The following CSMD1 variants were observed in gnomAD, a reference collection of about 807,000 sequenced individuals.
CSMD1 encodes the protein CUB and Sushi multiple domains 1, also known as CUB and sushi domain-containing protein 1.
In CSMD1, 213 loss-of-function variants were observed where a neutral mutation model predicts 417.5. The ratio of observed to expected loss-of-function variants is 0.51; its 90% CI spans 0.46 to 0.57. CSMD1 has a LOEUF of 0.57. CSMD1 is among the 20% of genes least tolerant of loss of function. CSMD1 has a pLI of 0.00. For missense variants in CSMD1, 6,923 were observed against 4,529.7 expected (o/e 1.53, Z -15.17); for synonymous variants, 2,862 against 1,736.8 (o/e 1.65, Z -16.11).
intron 7 of CSMD1, among the ~76,000 whole-genome samples, chr8:3,644,440 G>C (rs531769426): frequency 1.3e-5 from 2 of 152,238 alleles, no homozygotes; most frequent in South Asian, 4.1e-4. Context: ...AAATAGGCAC[G>C]GTAGAAAGAA....
At chr8:3,990,544 A>C (rs1208549018) in intron 5 of CSMD1, among the ~76,000 whole-genome samples, 3 of 152,202 alleles carry the variant, frequency 2.0e-5, no homozygotes, top group African/African-American at 7.2e-5. Context: ...ATCCATAGCT[A>C]CCACCATTCA....
chr8:3,496,209 C>G (rs929763530), intron 10 of CSMD1, among the ~76,000 whole-genome samples: 2 of 152,220 alleles, frequency 1.3e-5, no homozygotes, highest in African/African-American at 2.4e-5. Context: ...TAATGTTCCT[C>G]CCTCAGCTAT....
intron 7 of CSMD1, among the ~76,000 whole-genome samples, chr8:3,685,840 A>G (rs1483904084): frequency 2.0e-5 from 3 of 152,162 alleles, no homozygotes; most frequent in Non-Finnish European, 4.4e-5. Flanking sequence ...CATGCGACGT[A>G]AAATAATCAC....
intron 2 of CSMD1, among the ~76,000 whole-genome samples, chr8:4,631,562 G>T (rs966671838): frequency 1.3e-5 from 2 of 152,046 alleles, no homozygotes; most frequent in African/African-American, 4.8e-5. Flanking sequence ...ATGTCTATAA[G>T]TTCTAAATAT....
intron 1 of CSMD1, among the ~76,000 whole-genome samples, chr8:4,876,155 T>A (rs1803028465): frequency 6.6e-6 from 1 of 152,102 alleles, no homozygotes; most frequent in East Asian, 1.9e-4. Flanking sequence ...AATGACTGCT[T>A]AGTCTATTTC....
chr8:3,653,158 A>C (rs1271321652), intron 7 of CSMD1, among the ~76,000 whole-genome samples: 3 of 151,886 alleles, frequency 2.0e-5, no homozygotes, highest in African/African-American at 7.2e-5. Flanking sequence ...TTCAAGTTGC[A>C]TATATTTTTA....
chr8:3,523,952 C>G (rs998926841), intron 10 of CSMD1, among the ~76,000 whole-genome samples: 6 of 151,528 alleles, frequency 4.0e-5, no homozygotes, highest in Non-Finnish European at 7.4e-5. Context: ...CACGTGCATA[C>G]ACATGCACAC....
At chr8:4,033,494 G>A (rs951250684) in intron 3 of CSMD1, among the ~76,000 whole-genome samples, 1 of 152,116 alleles carries the variant, frequency 6.6e-6, no homozygotes, top group South Asian at 2.1e-4. Context: ...CTATGACCTG[G>A]AAGCTCCCAC....
chr8:3,991,004 A>C (rs917408569), intron 5 of CSMD1, among the ~76,000 whole-genome samples: 5 of 152,178 alleles, frequency 3.3e-5, no homozygotes, highest in Admixed American at 2.0e-4. Flanking sequence ...CACACCTGAC[A>C]AAAACCTCTA....
intron 7 of CSMD1, among the ~76,000 whole-genome samples, chr8:3,683,241 T>A (rs1172724087): frequency 1.3e-4 from 20 of 151,434 alleles, no homozygotes; most frequent in Admixed American, 1.3e-3. Flanking sequence ...TAATAAAAAA[T>A]AAATAAAAAA....
intron 5 of CSMD1, among the ~76,000 whole-genome samples, chr8:3,851,289 G>A (rs1470546523): frequency 1.3e-5 from 2 of 152,164 alleles, no homozygotes; most frequent in African/African-American, 4.8e-5. Context: ...TTAGGGACTG[G>A]TCTTTTCATA....
chr8:3,879,394 T>C (rs1806054693), intron 5 of CSMD1, among the ~76,000 whole-genome samples: 1 of 152,150 alleles, frequency 6.6e-6, no homozygotes, highest in South Asian at 2.1e-4. Flanking sequence ...TCATACACTG[T>C]AGCACAAGCC....
chr8:3,244,842 C>T (rs1369930090), intron 26 of CSMD1, among the ~76,000 whole-genome samples: 4 of 152,242 alleles, frequency 2.6e-5, no homozygotes, highest in African/African-American at 9.6e-5. Flanking sequence ...AGCAGGGACA[C>T]TGCTTGGCAG....
chr8:2,977,937 G>A (rs376305519), intron 55 of CSMD1, among the ~76,000 whole-genome samples: 7 of 152,186 alleles, frequency 4.6e-5, no homozygotes, highest in South Asian at 4.1e-4. Context: ...AGATGCTGGC[G>A]AGGCTGTGGA....
intron 3 of CSMD1, among the ~76,000 whole-genome samples, chr8:4,053,299 T>C (rs774338632): frequency 1.4e-4 from 21 of 152,326 alleles, no homozygotes; most frequent in Non-Finnish European, 1.2e-4. Context: ...GTGCTTAGCA[T>C]TGCGAATGCA....
chr8:3,771,524 A>G (rs1464194069), intron 5 of CSMD1, among the ~76,000 whole-genome samples: 4 of 152,114 alleles, frequency 2.6e-5, no homozygotes, highest in Non-Finnish European at 5.9e-5. Context: ...GCTTCTGCTC[A>G]TTTGGGTGAC....
intron 1 of CSMD1, among the ~76,000 whole-genome samples, chr8:4,718,714 T>A (rs765374867): frequency 1.3e-5 from 2 of 152,028 alleles, no homozygotes; most frequent in East Asian, 3.9e-4. Flanking sequence ...TAAATTATCA[T>A]AAAAGACTAG....
At chr8:4,649,719 G>A (rs757060555) in intron 1 of CSMD1, among the ~76,000 whole-genome samples, 6 of 152,194 alleles carry the variant, frequency 3.9e-5, no homozygotes, top group South Asian at 2.1e-4. Context: ...GTGTATCTGA[G>A]CCGAAGGCTA....
chr8:3,984,389 C>T (rs1057338144), intron 5 of CSMD1, among the ~76,000 whole-genome samples: 1 of 152,066 alleles, frequency 6.6e-6, no homozygotes, highest in Non-Finnish European at 1.5e-5. Flanking sequence ...TTAGACTTTT[C>T]AATTCTAAAC....
Sources: gnomAD v4.1 joint callset for allele counts (sites outside exome capture counted in the v4.1 genomes callset) on GRCh38, gnomAD v4.1.1 for gene constraint, MANE v1.5 for transcripts, NCBI Gene and HGNC (gene_info 2026-07-23, HGNC 2026-07-21) for gene names.